TUSC3: variants seen among roughly 807,000 people sequenced by gnomAD.
TUSC3 encodes the protein dolichyl-diphosphooligosaccharide--protein glycosyltransferase subunit TUSC3.
TUSC3 carries 45 observed loss-of-function variants against 44.8 expected under a neutral mutation model. The ratio of observed to expected loss-of-function variants is 1.00; its 90% CI spans 0.79 to 1.29. The LOEUF (loss-of-function observed/expected upper bound fraction) is 1.29. Among genes scored for constraint, TUSC3 ranks in the 50% most tolerant of loss-of-function variants. The pLI is 0.00. For synonymous variants in TUSC3, 212 were observed against 152.9 expected (o/e 1.39, Z -2.85); for missense variants, 519 against 437.9 (o/e 1.19, Z -1.65).
At chr8:15,451,376 TC>T (rs1800195585) in intron 1 of TUSC3, among the ~76,000 whole-genome samples, 2 of 152,124 alleles carry the variant, frequency 1.3e-5, no homozygotes, top group South Asian at 4.1e-4. Flanking sequence ...GTTGGAACTT[TC>T]AGCCCCCTGA....
chr8:15,496,950 A>G (rs1800888399), intron 2 of TUSC3, among the ~76,000 whole-genome samples: 1 of 152,228 alleles, frequency 6.6e-6, no homozygotes, highest in Non-Finnish European at 1.5e-5. Context: ...ACTACCTGCC[A>G]GAACCTGTTT....
intron 1 of TUSC3, among the ~76,000 whole-genome samples, chr8:15,614,871 A>G (rs1194162337): frequency 1.3e-5 from 2 of 151,360 alleles, no homozygotes; most frequent in Non-Finnish European, 2.9e-5. Context: ...TGAAATTTCC[A>G]ATTTACTTTT....
At chr8:15,697,844 A>G (rs1250293570) in intron 6 of TUSC3, among the ~76,000 whole-genome samples, 1 of 152,228 alleles carries the variant, frequency 6.6e-6, no homozygotes, top group Non-Finnish European at 1.5e-5. Flanking sequence ...AGCTATATAC[A>G]ATGCAAAGAT....
rs867976427 is a variant in TUSC3, at chr8:15,671,692, A to G, written c.709-2055A>G. ...TACCGTAAATAGTATTGTTGCTGCT[A>G]TTGCCTCTTTTCCTCCATGTAGAAT... On this transcript the variant is annotated intron_variant, in intron 5 of 10. Transcript: ENST00000503731. 3.3e-5 allele frequency among the ~76,000 whole-genome samples: 5 copies of G among 152,024 alleles called. No individual in the cohort carries two copies. The South Asian group carries it at 8.3e-4, about 25-fold the overall frequency.
intron 1 of TUSC3, among the ~76,000 whole-genome samples, chr8:15,566,833 A>T (rs111755647): frequency 2.0e-5 from 3 of 152,022 alleles, no homozygotes; most frequent in African/African-American, 7.2e-5. Flanking sequence ...GGATTTTACC[A>T]TGTTTCCCAG....
rs150379178 is a variant in TUSC3, at chr8:15,764,731, G to A, written c.*575G>A. Reference sequence around the variant, plus strand: ...TATAGGACAGGGAACTGGATGAATGGTACCTACAATTTGGATGCCTAACCA... The same window carrying A: ...TATAGGACAGGGAACTGGATGAATGATACCTACAATTTGGATGCCTAACCA... On this transcript the variant is annotated 3_prime_UTR_variant, in exon 11 of 11. Transcript: ENST00000503731. 48 of 153,180 alleles carry A rather than the reference G, an allele frequency of 3.1e-4. 1 individual carries two copies. Among genetic ancestry groups the A allele is most frequent in the African/African-American group, 1.0e-3 (43 of 41,530 alleles). 9.5% of individuals were successfully genotyped at this position (153,180 alleles called of 1,614,324 possible).
chr8:15,472,579 A>G (rs1800508658), intron 1 of TUSC3, among the ~76,000 whole-genome samples: 1 of 152,142 alleles, frequency 6.6e-6, no homozygotes, highest in African/African-American at 2.4e-5. Flanking sequence ...CTTTTAGTTC[A>G]GAGTGGGACA....
At chr8:15,562,336 C>A (rs965445798) in intron 1 of TUSC3, among the ~76,000 whole-genome samples, 1 of 152,116 alleles carries the variant, frequency 6.6e-6, no homozygotes, top group Non-Finnish European at 1.5e-5. Flanking sequence ...AACCGCTTCG[C>A]AATTTATCTT....
intron 2 of TUSC3, among the ~76,000 whole-genome samples, chr8:15,623,666 A>C (rs1341187677): frequency 6.6e-6 from 1 of 152,138 alleles, no homozygotes; most frequent in Non-Finnish European, 1.5e-5. Context: ...GTGCTGTAGA[A>C]GTAAACAGTT....
chr8:15,541,313 T>G (rs1271020038), intron 1 of TUSC3, among the ~76,000 whole-genome samples: 1 of 152,236 alleles, frequency 6.6e-6, no homozygotes, highest in African/African-American at 2.4e-5. Flanking sequence ...GTTTGTAAGT[T>G]CTAATTATCC....
At chr8:15,840,894 C>T in the TUSC3 span, among the ~76,000 whole-genome samples, 1 of 152,250 alleles carries the variant, frequency 6.6e-6, no homozygotes, top group Non-Finnish European at 1.5e-5. Context: ...AATTTAATGG[C>T]AAATGCAGTG....
At chr8:15,746,659 C>G (rs948181648) in intron 8 of TUSC3, among the ~76,000 whole-genome samples, 1 of 151,958 alleles carries the variant, frequency 6.6e-6, no homozygotes, top group African/African-American at 2.4e-5. Context: ...CATTTCAAGC[C>G]TCATTTCTGA....
chr8:15,825,690 C>A, the TUSC3 span, among the ~76,000 whole-genome samples: 1 of 151,962 alleles, frequency 6.6e-6, no homozygotes, highest in Non-Finnish European at 1.5e-5. Context: ...CAAATAAGTG[C>A]CTTGAAGTGT....
At chr8:15,697,979 T>C (rs1485958691) in intron 6 of TUSC3, among the ~76,000 whole-genome samples, 5 of 152,220 alleles carry the variant, frequency 3.3e-5, no homozygotes, top group Non-Finnish European at 7.4e-5. Flanking sequence ...ATCCAAAATA[T>C]ATTTAATTTG....
downstream of TUSC3, among the ~76,000 whole-genome samples, chr8:15,771,547 A>G (rs544199651): frequency 1.8e-4 from 28 of 152,332 alleles, no homozygotes; most frequent in South Asian, 5.8e-3. Context: ...AAGATTGCAT[A>G]ATACAGTAAC....
At chr8:15,697,227 C>G (rs749163642) in intron 6 of TUSC3, among the ~76,000 whole-genome samples, 1 of 152,114 alleles carries the variant, frequency 6.6e-6, no homozygotes. Context: ...TTTCAAAGAA[C>G]CAGCTTTTTG....
At chr8:15,434,668 C>T (rs1177569019) in intron 1 of TUSC3, among the ~76,000 whole-genome samples, 1 of 151,756 alleles carries the variant, frequency 6.6e-6, no homozygotes, top group Non-Finnish European at 1.5e-5. Flanking sequence ...TCTCCTAATG[C>T]TATCCCTCCC....
the TUSC3 span, among the ~76,000 whole-genome samples, chr8:15,785,741 G>A: frequency 6.6e-6 from 1 of 151,888 alleles, no homozygotes; most frequent in Non-Finnish European, 1.5e-5. Flanking sequence ...AATCTAGAAC[G>A]CCTGGTAGTA....
chr8:15,712,297 A>C (rs865887460), intron 6 of TUSC3, among the ~76,000 whole-genome samples: 5 of 151,986 alleles, frequency 3.3e-5, no homozygotes, highest in Non-Finnish European at 4.4e-5. Context: ...TGATTCTTTT[A>C]GCAAACTATC....
Sources: allele counts gnomAD v4.1 joint callset (sites outside exome capture counted in the v4.1 genomes callset), GRCh38; gene constraint gnomAD v4.1.1; transcripts MANE v1.5; gene names NCBI Gene and HGNC (gene_info 2026-07-23, HGNC 2026-07-21).